The following PDGFC variants were observed in gnomAD, a reference collection of about 807,000 sequenced individuals.
The protein encoded by PDGFC is platelet-derived growth factor C.
Under a neutral mutation model 35.5 loss-of-function variants are expected in PDGFC, and 12 were observed. That is an observed-to-expected ratio of 0.34 (90% CI 0.22 to 0.55). PDGFC has a LOEUF of 0.55. Among genes scored for constraint, PDGFC ranks in the 20% least tolerant of loss-of-function variants. The probability of loss-of-function intolerance (pLI) is 0.91; values close to 1 mark genes in which losing one functional copy is unlikely to be tolerated. For synonymous variants in PDGFC, 159 were observed against 148.8 expected, an observed-to-expected ratio of 1.07 and a Z score of -0.50; for missense variants, 322 against 412.4, an observed-to-expected ratio of 0.78 and a Z score of 1.90.
intron 1 of PDGFC, among the ~76,000 whole-genome samples, chr4:156,953,465 C>G (rs1427660566): frequency 6.6e-6 from 1 of 151,854 alleles, no homozygotes; most frequent in African/African-American, 2.4e-5. Context: ...TTTGGTTTTT[C>G]TATTATCTTT....
intron 1 of PDGFC, among the ~76,000 whole-genome samples, chr4:156,922,586 G>C (rs1257768949): frequency 6.6e-6 from 1 of 152,130 alleles, no homozygotes. Flanking sequence ...AAGTATCTTT[G>C]GGCATTTATG....
At chr4:156,901,447 G>A (rs890873550) in intron 1 of PDGFC, among the ~76,000 whole-genome samples, 3 of 152,112 alleles carry the variant, frequency 2.0e-5, no homozygotes, top group Non-Finnish European at 4.4e-5. Context: ...AAGAATGACT[G>A]ACTCAAGTAA....
intron 2 of PDGFC, among the ~76,000 whole-genome samples, chr4:156,812,265 G>A (rs1038296583): frequency 1.7e-4 from 26 of 151,528 alleles, no homozygotes; most frequent in African/African-American, 4.6e-4. Flanking sequence ...GCAATGAGTC[G>A]ACTTAAAAGA....
chr4:156,892,245 C>T (rs1180955490), intron 1 of PDGFC, among the ~76,000 whole-genome samples: 1 of 152,124 alleles, frequency 6.6e-6, no homozygotes, highest in Non-Finnish European at 1.5e-5. Context: ...GATATTGTTG[C>T]AATAATCACA....
intron 2 of PDGFC, among the ~76,000 whole-genome samples, chr4:156,835,546 A>G (rs1429219639): frequency 1.3e-5 from 2 of 152,224 alleles, no homozygotes; most frequent in African/African-American, 4.8e-5. Context: ...TAGTGCTAGA[A>G]GGGATTTGAA....
At chr4:156,767,432 T>A (rs1209325155) in intron 5 of PDGFC, among the ~76,000 whole-genome samples, 1 of 152,082 alleles carries the variant, frequency 6.6e-6, no homozygotes, top group Non-Finnish European at 1.5e-5. Flanking sequence ...AGCTTGTCTT[T>A]GAAATATTTT....
intron 5 of PDGFC, among the ~76,000 whole-genome samples, chr4:156,765,340 G>A (rs1279893464): frequency 6.6e-6 from 1 of 152,108 alleles, no homozygotes; most frequent in African/African-American, 2.4e-5. Context: ...AAATTTAGAC[G>A]GAGAGGTTGA....
chr4:156,835,428 C>T (rs1729040006), intron 2 of PDGFC, among the ~76,000 whole-genome samples: 2 of 152,000 alleles, frequency 1.3e-5, no homozygotes, highest in Non-Finnish European at 2.9e-5. Flanking sequence ...ATTATTTAAA[C>T]TTTTATATTT....
intron 1 of PDGFC, among the ~76,000 whole-genome samples, chr4:156,871,235 A>G (rs1729975834): frequency 6.6e-6 from 1 of 152,126 alleles, no homozygotes; most frequent in Non-Finnish European, 1.5e-5. Context: ...TAGCACTAAA[A>G]CAGAAATGAA....
At chr4:156,890,838 C>T (rs956136182) in intron 1 of PDGFC, among the ~76,000 whole-genome samples, 2 of 152,108 alleles carry the variant, frequency 1.3e-5, no homozygotes, top group African/African-American at 4.8e-5. Context: ...AAAAAGGTAA[C>T]ATTCCCTAAG....
At chr4:156,765,260 A>G in intron 5 of PDGFC, among the ~76,000 whole-genome samples, 1 of 152,190 alleles carries the variant, frequency 6.6e-6, no homozygotes, top group Admixed American at 6.6e-5. Context: ...CAGGTCCCAG[A>G]CAATATTAAA....
chr4:156,920,828 G>C (rs899523061), intron 1 of PDGFC, among the ~76,000 whole-genome samples: 4 of 152,178 alleles, frequency 2.6e-5, no homozygotes, highest in Admixed American at 2.0e-4. Context: ...TGGTTTGGTA[G>C]ATGGTTCTTT....
At chr4:156,816,325 A>C (rs142923610) in intron 2 of PDGFC, among the ~76,000 whole-genome samples, 1 of 152,298 alleles carries the variant, frequency 6.6e-6, no homozygotes, top group East Asian at 1.9e-4. Flanking sequence ...AAAGGTAATA[A>C]AATTAAGAAG....
chr4:156,870,974 CA>C (rs1729968731), intron 1 of PDGFC, among the ~76,000 whole-genome samples: 1 of 151,976 alleles, frequency 6.6e-6, no homozygotes, highest in South Asian at 2.1e-4. Flanking sequence ...CTGAGTGGTT[CA>C]AAACACTAAA....
chr4:156,866,113 C>A (rs1325005731), intron 1 of PDGFC, among the ~76,000 whole-genome samples: 1 of 152,146 alleles, frequency 6.6e-6, no homozygotes, highest in East Asian at 1.9e-4. Context: ...CCACTGCCCC[C>A]ACCCGAGGAC....
intron 2 of PDGFC, among the ~76,000 whole-genome samples, chr4:156,811,627 T>C (rs1040103490): frequency 6.6e-6 from 1 of 152,146 alleles, no homozygotes. Context: ...TCCATCTTCT[T>C]AGGCTGTTAA....
chr4:156,926,024 G>A (rs1461406995), intron 1 of PDGFC, among the ~76,000 whole-genome samples: 2 of 119,094 alleles, frequency 1.7e-5, no homozygotes, highest in South Asian at 2.7e-4. Flanking sequence ...CTGCACTCCA[G>A]CCTGGGTGAA....
At chr4:156,764,530 C>T (rs1730466510) in intron 5 of PDGFC, among the ~76,000 whole-genome samples, 1 of 152,152 alleles carries the variant, frequency 6.6e-6, no homozygotes, top group Non-Finnish European at 1.5e-5. Flanking sequence ...ATTTTATAGA[C>T]TCAGAATATC....
At chr4:156,885,156 T>TATAC (rs1553973203) in intron 1 of PDGFC, among the ~76,000 whole-genome samples, 1 of 126,982 alleles carries the variant, frequency 7.9e-6, no homozygotes, top group Admixed American at 7.5e-5. Context: ...TGTGCATACA[T>TATAC]ACACACACAC....
Sources: gnomAD v4.1 joint callset for allele counts (sites outside exome capture counted in the v4.1 genomes callset) on GRCh38, gnomAD v4.1.1 for gene constraint, MANE v1.5 for transcripts, NCBI Gene and HGNC (gene_info 2026-07-23, HGNC 2026-07-21) for gene names.